Variants in KMT2D observed in about 807,000 individuals in gnomAD.
KMT2D encodes the protein lysine methyltransferase 2D.
In KMT2D, 55 loss-of-function variants were observed where a neutral mutation model predicts 512.7. That is an observed-to-expected ratio of 0.11 (90% confidence interval 0.09 to 0.13). KMT2D has a LOEUF of 0.13. KMT2D is among the 10% of genes least tolerant of loss of function. The pLI is 1.00. For synonymous variants in KMT2D, 2,995 were observed against 2,904.0 expected (o/e 1.03, Z -1.01); for missense variants, 6,061 against 7,127.9 (o/e 0.85, Z 5.39).
Position 49,040,370 on chromosome 12 carries a change from T to G in KMT2D, c.7400A>C (p.His2467Pro), listed in dbSNP as rs769531174. The change falls in exon 32 of 55, where the codon CAT (histidine) becomes CCT (proline). Residue 2467 changes from histidine to proline, a missense_variant. His to Pro is a moderately conservative substitution (Grantham distance 77, BLOSUM62 -2). This residue lies in a region of KMT2D where 710 missense variants were observed against 647.3 expected (regional missense o/e 1.10). Transcript: ENST00000301067. ...PQSRDPFAPL[H>P]KPPRPQPPEV... ...AGGGGGCTGGGGTCGGGGTGGCTTA[T>G]GCAATGGGGCAAATGGGTCACGGGA... The G allele has an allele frequency of 1.6e-5, 25 of 1,565,840 alleles. No individual in the cohort carries two copies. Among genetic ancestry groups the G allele is most frequent in the Non-Finnish European group, 2.1e-5 (24 of 1,155,540 alleles).
chr12:49,033,693 G>A lies in KMT2D; in HGVS notation c.11012C>T (p.Pro3671Leu). 2 of 1,613,684 alleles carry A rather than the reference G, an allele frequency of 1.2e-6. No homozygotes were observed. The highest frequency in any genetic ancestry group is 1.7e-6 in the Non-Finnish European group (2 of 1,179,864). ...GMALPGQPGGPFLNTALAQQQ... is the reference protein window; with the variant it reads ...GMALPGQPGGLFLNTALAQQQ... ...TTGGGCCAGAGCTGTATTAAGGAAG[G>A]GGCCACCAGGCTGTCCAGGTAGTGC... Residue 3671 changes from proline to leucine, a missense_variant, in exon 40 of 55, where the codon CCC becomes CTC. Transcript: ENST00000301067.
rs1161017006 is a variant in KMT2D at position 49,021,779 on chromosome 12, CT to C, written c.16614del (p.Ter5538=). On this transcript the variant is annotated frameshift_variant and stop_lost, in exon 55 of 55. Coordinates refer to ENST00000301067, the MANE Select transcript of KMT2D (RefSeq NM_003482.4). LOFTEE classifies it high-confidence loss of function. ...CCCCTGCCTGGTAGCCTCAAAGCTTCTTAGTTCATCCATTTCCGACAATTCC... is the reference window on the plus strand; with the variant it reads ...CCCCTGCCTGGTAGCCTCAAAGCTTCTAGTTCATCCATTTCCGACAATTCC... Reference protein sequence around the residue: ...GAWNCRKWMN* With the variant: ...GAWNCRKWMNX 6.2e-7 allele frequency: 1 copy of C among 1,612,614 alleles called. No individual in the cohort carries two copies. The highest frequency in any genetic ancestry group is 1.7e-5 in the Admixed American group (1 of 60,032).
In KMT2D at chr12:49,024,869, G is replaced by A. The variant is rs2137711713; in HGVS notation, c.15862C>T (p.Leu5288=). Residue 5288 remains leucine (L), a synonymous_variant, in exon 50 of 55, where the codon CTG becomes TTG. Coordinates refer to ENST00000301067, the MANE Select transcript of KMT2D (RefSeq NM_003482.4). The surrounding 1 kb of genome is among the most constrained non-coding windows in gnomAD (Gnocchi z 4.5). ...ADMLRLFPEY[L]KGEELFGLTV... ...AGCCCAAAGAGCTCCTCGCCCTTCA[G>A]ATACTCAGGGAAGAGTCGCAGCATG... 2 of 1,610,172 alleles carry A rather than the reference G, an allele frequency of 1.2e-6. No homozygotes were observed. The highest frequency in any genetic ancestry group is 4.5e-5 in the East Asian group (2 of 44,708).
chr12:49,053,126 G>GA, intron 8 of KMT2D, 54 bp from the exon 9 acceptor site: 1 of 1,612,510 alleles, frequency 6.2e-7, no homozygotes, highest in South Asian at 1.1e-5. Flanking sequence ...AAGACTAAAC[G>GA]AAAGTACACA....
intron 1 of KMT2D, among the ~76,000 whole-genome samples, chr12:49,057,340 G>A (rs1342707159): frequency 6.6e-6 from 1 of 152,184 alleles, no homozygotes; most frequent in Non-Finnish European, 1.5e-5. Context: ...ACATCAAGAA[G>A]TAAAAGGCAA....
rs774794656 is a variant in KMT2D, at chr12:49,042,914, G to A, written c.5645-36C>T. 6.8e-6 allele frequency: 11 copies of A among 1,612,356 alleles called. No homozygotes were observed. Among genetic ancestry groups the A allele is most frequent in the Non-Finnish European group, 9.3e-6 (11 of 1,178,820 alleles). On this transcript the variant is annotated intron_variant, in intron 26 of 54. Coordinates refer to ENST00000301067, the MANE Select transcript of KMT2D (RefSeq NM_003482.4). The surrounding 1 kb of genome is among the most constrained non-coding windows in gnomAD (Gnocchi z 4.4). ...ATGAAGGACACTGTTGAGGAAGACT[G>A]GGAAGTTCAGGTGACACCACAGGTC...
chr12:49,025,260 T>C (rs920882515), intron 49 of KMT2D, among the ~76,000 whole-genome samples: 2 of 151,312 alleles, frequency 1.3e-5, no homozygotes, highest in African/African-American at 4.9e-5. Flanking sequence ...GGGTTCAGGT[T>C]CTAGTACTGG....
At position 49,038,153 on chromosome 12, in the gene KMT2D, T is replaced by G; in HGVS notation, c.9203A>C (p.Glu3068Ala). The change falls in exon 35 of 55, where the codon GAG becomes GCG. Residue 3068 changes from glutamate (E) to alanine (A), a missense_variant. Around this residue, in one of 16 missense-constraint regions of KMT2D, gnomAD observed 21 missense variants for 74.3 expected, o/e 0.28. Transcript: ENST00000301067. This position sits in a 1 kb window ranked among gnomAD's most constrained non-coding sequence, Gnocchi z 5.7. ...AGCCGATTCTACCAGCCTCAGGTGC[T>G]CATTGAAGATATCCTTCTTGTCCCC... ...DTGDKKDIFN[E>A]HLRLVESANE... 6.2e-7 allele frequency: 1 copy of G among 1,613,952 alleles called. No individual in the cohort carries two copies. The highest frequency in any genetic ancestry group is 8.5e-7 in the Non-Finnish European group (1 of 1,179,894).
rs1942613481 is a variant in KMT2D at position 49,026,765 on chromosome 12, C to T, written c.15201G>A (p.Thr5067=). 5.0e-6 allele frequency: 8 copies of T among 1,613,158 alleles called. No homozygotes were observed. The highest frequency in any genetic ancestry group is 5.1e-6 in the Non-Finnish European group (6 of 1,179,138). ...WVHLNCALWS[T]EVYETQGGAL... ...CCCCGCCCTGGGTCTCATACACCTC[C>T]GTGGACCAAAGGGCACAGTTGAGGT... Residue 5067 remains threonine, a synonymous_variant, in exon 49 of 55, where the codon ACG becomes ACA. Transcript: ENST00000301067. This position sits in a 1 kb window ranked among gnomAD's most constrained non-coding sequence, Gnocchi z 9.6.
rs764004738 is a variant in KMT2D, at chr12:49,041,621, G to A, written c.6234+34C>T. 3.0e-5 allele frequency: 49 copies of A among 1,613,258 alleles called. No individual in the cohort carries two copies. Among genetic ancestry groups the A allele is most frequent in the Non-Finnish European group, 3.9e-5 (46 of 1,179,570 alleles). On this transcript the variant is annotated intron_variant, in intron 31 of 54. Transcript: ENST00000301067. This position sits in a 1 kb window ranked among gnomAD's most constrained non-coding sequence, Gnocchi z 5.4. ...CACCCTCAAGAGAGGCCACCCACTA[G>A]AGGACTGCTACACCCCAGCCCAGCC...
rs574682012 is a variant in KMT2D at position 49,039,298 on chromosome 12, C to G, written c.8290G>C (p.Gly2764Arg). 1.2e-6 allele frequency: 2 copies of G among 1,613,756 alleles called. No homozygotes were observed. The highest frequency in any genetic ancestry group is 2.7e-5 in the African/African-American group (2 of 75,056). ...AGTCGGTCATCGCTAGGGAAGGACC[C>G]TGGCCCCAGGATGGGGCCACTCAGC... is the stretch of plus-strand genomic sequence containing the variant. ...SKLSGPILGPGSFPSDDRLSR... is the reference protein window; with the variant it reads ...SKLSGPILGPRSFPSDDRLSR... Residue 2764 changes from glycine to arginine, a missense_variant, in exon 34 of 55, where the codon GGG becomes CGG. Physicochemically the swap from Gly to Arg is moderately radical, Grantham distance 125. Coordinates refer to ENST00000301067, the MANE Select transcript of KMT2D (RefSeq NM_003482.4). This position sits in a 1 kb window ranked among gnomAD's most constrained non-coding sequence, Gnocchi z 5.0.
In KMT2D at chr12:49,050,659, T is replaced by C. The variant is rs1937910920; in HGVS notation, c.2929A>G (p.Ile977Val). 1 of 1,613,254 alleles carries C rather than the reference T, an allele frequency of 6.2e-7. No individual in the cohort carries two copies. The change falls in exon 12 of 55, where the codon ATC (isoleucine) becomes GTC (valine). Residue 977 changes from isoleucine (I) to valine (V), a missense_variant. By Grantham distance (29) the Ile-to-Val change is conservative. Transcript: ENST00000301067. ...GGAGGGCTGATGGGTGTCTCCAGGA[T>C]GGGGGCAGCCAACGGTGACTCAGGG... ...SDPESPLAAP[I>V]LETPISPPPE...
chr12:49,021,674 C>T lies in KMT2D; in HGVS notation c.*106G>A. The T allele has an allele frequency of 9.9e-7, 1 of 1,009,780 alleles. No homozygotes were observed. Among genetic ancestry groups the T allele is most frequent in the East Asian group, 2.5e-5 (1 of 40,056 alleles). 62.6% of individuals were successfully genotyped at this position (1,009,780 alleles called of 1,614,324 possible). A position where few individuals can be genotyped will look rare whatever the true frequency, so the allele number is the denominator to read the frequency against. On this transcript the variant is annotated 3_prime_UTR_variant, in exon 55 of 55. Coordinates refer to ENST00000301067, the MANE Select transcript of KMT2D (RefSeq NM_003482.4). The stretch of plus-strand genomic sequence containing the variant: ...AGGGGCTCCGGGTCAGCCGGCAGCC[C>T]CAACCCTGGGTCCTGGCTCTGGCTG...
At chr12:49,029,021 A>G (rs2120389853) in intron 45 of KMT2D, 40 bp downstream of exon 45, 1 of 1,606,426 alleles carries the variant, frequency 6.2e-7, no homozygotes, top group African/African-American at 1.3e-5. Context: ...CGGACAACCC[A>G]GGTGAACTGG....
In KMT2D at chr12:49,030,731, G is replaced by T. The variant is rs1942862252; in HGVS notation, c.13709C>A (p.Thr4570Asn). 1 of 1,613,584 alleles carries T rather than the reference G, an allele frequency of 6.2e-7. No homozygotes were observed. Among genetic ancestry groups the T allele is most frequent in the South Asian group, 1.1e-5 (1 of 91,094 alleles). The change falls in exon 42 of 55, where the codon ACC becomes AAC. Residue 4570 changes from threonine (T) to asparagine (N), a missense_variant. Thr to Asn is a moderately conservative substitution (Grantham distance 65). Around this residue, in one of 16 missense-constraint regions of KMT2D, gnomAD observed 1,600 missense variants for 1,754.9 expected, o/e 0.91. Transcript: ENST00000301067. ...SLLPLTEPAI[T>N]ANFSLFAPFG... ...GGGGGCAAAGAGGCTAAAATTGGCG[G>T]TGATAGCAGGCTCCGTTAGGGGCAG...
At position 49,032,868 on chromosome 12, in the gene KMT2D, T is replaced by TGCTGCTGCTGTTGTTGAA. The variant is rs1160407199; in HGVS notation, c.11819_11836dup (p.Leu3940_Gln3945dup). ...CTGCTGTTGCTGCTGTTGAAGCTGT[T>TGCTGCTGCTGTTGTTGAA]GCTGCTGCTGTTGTTGAAGCTGCTG... On this transcript the variant is annotated inframe_insertion, in exon 40 of 55. Transcript: ENST00000301067. 36 of 1,549,976 alleles carry TGCTGCTGCTGTTGTTGAA rather than the reference T, an allele frequency of 2.3e-5. No individual in the cohort carries two copies. Among genetic ancestry groups the TGCTGCTGCTGTTGTTGAA allele is most frequent in the Middle Eastern group, 2.0e-4 (1 of 4,970 alleles).
Position 49,042,916 on chromosome 12 carries a change from G to GT in KMT2D, c.5645-39_5645-38insA, listed in dbSNP as rs1565800428. ...GAAGGACACTGTTGAGGAAGACTGG[G>GT]AAGTTCAGGTGACACCACAGGTCTA... On this transcript the variant is annotated intron_variant, in intron 26 of 54. Coordinates refer to ENST00000301067, the MANE Select transcript of KMT2D (RefSeq NM_003482.4). The surrounding 1 kb of genome is among the most constrained non-coding windows in gnomAD (Gnocchi z 4.4). The GT allele has an allele frequency of 6.2e-7, 1 of 1,612,456 alleles. No individual in the cohort carries two copies. Among genetic ancestry groups the GT allele is most frequent in the Admixed American group, 1.7e-5 (1 of 59,902 alleles).
Position 49,049,871 on chromosome 12 carries a change from G to T in KMT2D, c.3717C>A (p.Ser1239=), listed in dbSNP as rs371257109. 3.0e-5 allele frequency: 49 copies of T among 1,613,808 alleles called. No individual in the cohort carries two copies. In the African/African-American group the frequency reaches 6.0e-4, roughly 20 times the overall value. The part of the protein sequence containing the change: ...SPDPEGGGSL[S]MELGVSTDVS... ...CATCCGTAGAGACCCCCAACTCCAT[G>T]GACAGGGAGCCACCCCCCTCCGGGT... The change falls in exon 12 of 55, where the codon TCC becomes TCA. Residue 1239 remains serine, a synonymous_variant. Coordinates refer to ENST00000301067, the MANE Select transcript of KMT2D (RefSeq NM_003482.4).
In KMT2D at chr12:49,038,732, G is replaced by A. The variant is rs2120503333; in HGVS notation, c.8624C>T (p.Ala2875Val). 5 of 1,608,534 alleles carry A rather than the reference G, an allele frequency of 3.1e-6. No individual in the cohort carries two copies. Among genetic ancestry groups the A allele is most frequent in the Non-Finnish European group, 4.2e-6 (5 of 1,177,768 alleles). Residue 2875 changes from alanine to valine, a missense_variant, in exon 35 of 55, where the codon GCC becomes GTC. Transcript: ENST00000301067. This position sits in a 1 kb window ranked among gnomAD's most constrained non-coding sequence, Gnocchi z 5.7. The stretch of plus-strand genomic sequence containing the variant: ...ATTGTGCCGCAGCTCAATGAACTGG[G>A]CAGGACCAGCTGGACCAGGCACTGG... ...GEPVPGPAGP[A>V]QFIELRHNVQ...
Sources: allele counts gnomAD v4.1 joint callset (sites outside exome capture counted in the v4.1 genomes callset), GRCh38; gene constraint gnomAD v4.1.1; regional missense constraint gnomAD v4.1.1; non-coding constraint Gnocchi (gnomAD v3.1); transcripts MANE v1.5; gene names NCBI Gene and HGNC (gene_info 2026-07-23, HGNC 2026-07-21).